LRRC7: variants seen among roughly 807,000 people sequenced by gnomAD.
The protein encoded by LRRC7 is leucine-rich repeat-containing protein 7.
Under a neutral mutation model 175.7 loss-of-function variants are expected in LRRC7, and 23 were observed. The observed-to-expected ratio is 0.13, with a 90% CI of 0.09 to 0.19. The LOEUF is 0.19. LRRC7 is among the 10% of genes least tolerant of loss of function. LRRC7 has a pLI of 1.00. For synonymous variants in LRRC7, 685 were observed against 680.9 expected (o/e 1.01, Z -0.09); for missense variants, 1,354 against 1,904.7 (o/e 0.71, Z 5.38).
In LRRC7 at chr1:69,931,590, A is replaced by G; in HGVS notation, c.711+20A>G. The G allele has an allele frequency of 6.3e-7, 1 of 1,590,288 alleles. No homozygotes were observed. Among genetic ancestry groups the G allele is most frequent in the African/African-American group, 1.3e-5 (1 of 74,586 alleles). On this transcript the variant is annotated intron_variant, in intron 8 of 26. Coordinates refer to ENST00000651989, the MANE Select transcript of LRRC7 (RefSeq NM_001370785.2). ...GAGCTGGTAAGCAAATGCATTTTCT[A>G]AACCTGATAAATACCCTTCAGGAGA...
chr1:70,033,995 C>T (rs1285773176), intron 18 of LRRC7, among the ~76,000 whole-genome samples: 1 of 151,984 alleles, frequency 6.6e-6, no homozygotes, highest in Non-Finnish European at 1.5e-5. Context: ...GCACTAATTC[C>T]TATTACTGAT....
chr1:69,972,981 T>C (rs1007736318), intron 8 of LRRC7, among the ~76,000 whole-genome samples: 1 of 132,908 alleles, frequency 7.5e-6, no homozygotes, highest in Non-Finnish European at 1.7e-5. Context: ...ATATAAATAC[T>C]ATATATATAA....
intron 1 of LRRC7, chr1:69,608,015 T>C (rs1647908166): frequency 1.3e-5 from 2 of 152,640 alleles, no homozygotes; most frequent in Non-Finnish European, 2.9e-5. Context: ...TGAAATACGT[T>C]TATCTTTTGA....
At position 69,703,357 on chromosome 1, in the gene LRRC7, T is replaced by A. The variant is rs887988424; in HGVS notation, c.100+24879T>A. 2.0e-5 allele frequency among the ~76,000 whole-genome samples: 3 copies of A among 152,170 alleles called. No individual in the cohort carries two copies. The South Asian group carries it at 6.2e-4, about 32-fold the overall frequency. On this transcript the variant is annotated intron_variant, in intron 2 of 26. Transcript: ENST00000651989. ...GTTTTACTTCATTTCATAAAAGTAA[T>A]ACTATAGTTTTACATTTCTATGACA... is the stretch of plus-strand genomic sequence containing the variant.
chr1:69,600,974 C>A (rs1309675663), intron 1 of LRRC7, among the ~76,000 whole-genome samples: 1 of 151,816 alleles, frequency 6.6e-6, no homozygotes, highest in Non-Finnish European at 1.5e-5. Context: ...TGCCACTATG[C>A]CCGGCTAATT....
intron 8 of LRRC7, among the ~76,000 whole-genome samples, chr1:69,943,266 G>A (rs2101803403): frequency 6.6e-6 from 1 of 152,098 alleles, no homozygotes; most frequent in South Asian, 2.1e-4. Flanking sequence ...ATAGTATTCA[G>A]CAACGAAAAA....
chr1:69,708,496 T>C lies in LRRC7; in HGVS notation c.100+30018T>C, dbSNP rs560522619. Among the ~76,000 whole-genome samples, 10 of 152,328 alleles carry C rather than the reference T, an allele frequency of 6.6e-5. No individual in the cohort carries two copies. In the South Asian group the frequency reaches 2.1e-3, roughly 32 times the overall value. ...TTCTTCCTTTAGGTGTTCACTAAAC[T>C]GTTACCACCTCATTGAGGTCTTTAT... On this transcript the variant is annotated intron_variant, in intron 2 of 26. Coordinates refer to ENST00000651989, the MANE Select transcript of LRRC7 (RefSeq NM_001370785.2).
chr1:69,574,015 G>A (rs1645843683), intron 1 of LRRC7, among the ~76,000 whole-genome samples: 1 of 152,124 alleles, frequency 6.6e-6, no homozygotes, highest in African/African-American at 2.4e-5. Flanking sequence ...AAGGTTGAAA[G>A]CATACTTAAC....
intron 1 of LRRC7, among the ~76,000 whole-genome samples, chr1:69,639,309 G>C (rs1653851702): frequency 3.3e-5 from 5 of 151,668 alleles, no homozygotes; most frequent in Admixed American, 3.3e-4. Context: ...GACTCATCAA[G>C]AATTATCATG....
intron 23 of LRRC7, among the ~76,000 whole-genome samples, chr1:70,053,467 CA>C (rs1397258192): frequency 6.6e-6 from 1 of 152,186 alleles, no homozygotes; most frequent in Non-Finnish European, 1.5e-5. Context: ...TTGGCTTTAA[CA>C]GTGTGTTGTA....
intron 5 of LRRC7, among the ~76,000 whole-genome samples, chr1:69,830,859 T>G (rs1680453377): frequency 6.6e-6 from 1 of 151,918 alleles, no homozygotes; most frequent in African/African-American, 2.4e-5. Flanking sequence ...AAAACTGACT[T>G]ACTTTGCATG....
chr1:69,913,016 A>C (rs1646580218), intron 7 of LRRC7, among the ~76,000 whole-genome samples: 1 of 152,196 alleles, frequency 6.6e-6, no homozygotes, highest in Admixed American at 6.5e-5. Context: ...AAACTTTTTC[A>C]ATAAGACATC....
At chr1:69,584,410 G>A (rs1274412691) in intron 1 of LRRC7, among the ~76,000 whole-genome samples, 3 of 152,034 alleles carry the variant, frequency 2.0e-5, no homozygotes, top group African/African-American at 4.8e-5. Context: ...AACAGCTGTG[G>A]TTTAGTAGCA....
At chr1:70,023,545 A>T (rs1452643479) in intron 17 of LRRC7, among the ~76,000 whole-genome samples, 171 bp downstream of exon 17, 1 of 152,028 alleles carries the variant, frequency 6.6e-6, no homozygotes, top group Non-Finnish European at 1.5e-5. Flanking sequence ...GACATTGGCA[A>T]TGGGGTGGGG....
chr1:69,715,480 C>T (rs986136370), intron 2 of LRRC7, among the ~76,000 whole-genome samples: 12 of 151,992 alleles, frequency 7.9e-5, no homozygotes, highest in Non-Finnish European at 1.8e-4. Context: ...TTATCTCCAT[C>T]AGTCTCATGC....
intron 23 of LRRC7, among the ~76,000 whole-genome samples, chr1:70,067,753 G>A (rs1009340779): frequency 6.6e-6 from 1 of 152,052 alleles, no homozygotes; most frequent in African/African-American, 2.4e-5. Flanking sequence ...AGTATAGTCT[G>A]TCTCTCCACT....
chr1:69,795,054 C>T (rs1422670598), intron 4 of LRRC7, among the ~76,000 whole-genome samples: 1 of 152,140 alleles, frequency 6.6e-6, no homozygotes, highest in Admixed American at 6.5e-5. Context: ...AGTAAGATTT[C>T]ATCACATCAG....
At chr1:69,695,071 A>C (rs564445764) in intron 2 of LRRC7, among the ~76,000 whole-genome samples, 1 of 152,290 alleles carries the variant, frequency 6.6e-6, no homozygotes, top group East Asian at 1.9e-4. Context: ...AAGATAAGGG[A>C]AAATTTGAAA....
chr1:70,038,003 T>C, intron 20 of LRRC7, 110 bp from the exon 21 acceptor site: 2 of 1,323,230 alleles, frequency 1.5e-6, no homozygotes, highest in South Asian at 1.5e-5. Flanking sequence ...CAGGTGAGGA[T>C]TATTGATCAG....
Sources: allele counts gnomAD v4.1 joint callset (sites outside exome capture counted in the v4.1 genomes callset), GRCh38; gene constraint gnomAD v4.1.1; transcripts MANE v1.5; gene names NCBI Gene and HGNC (gene_info 2026-07-23, HGNC 2026-07-21).